Variants in RBFOX1 observed in about 807,000 individuals in gnomAD.
The protein encoded by RBFOX1 is RNA binding fox-1 homolog 1.
In RBFOX1, 8 loss-of-function variants were observed where a neutral mutation model predicts 57.7. That is an observed-to-expected ratio of 0.14 (90% CI 0.08 to 0.25). The LOEUF (loss-of-function observed/expected upper bound fraction) is 0.25, where lower values mean the gene tolerates loss of function less well. RBFOX1 is among the 10% of genes least tolerant of loss of function. The pLI is 1.00. For missense variants in RBFOX1, 611 were observed against 548.5 expected (o/e 1.11, Z -1.14); for synonymous variants, 326 against 222.4 (o/e 1.47, Z -4.15).
intron 1 of RBFOX1, among the ~76,000 whole-genome samples, chr16:5,439,742 C>T (rs139014718): frequency 1.5e-4 from 23 of 152,094 alleles, no homozygotes; most frequent in African/African-American, 5.5e-4. Context: ...ACTGTCCTGG[C>T]CAGGAAAGAG....
intron 4 of RBFOX1, among the ~76,000 whole-genome samples, chr16:7,447,914 G>A (rs1000620793): frequency 7.2e-5 from 11 of 152,202 alleles, no homozygotes; most frequent in African/African-American, 2.7e-4. Flanking sequence ...GGGGCCAACA[G>A]GCATCTGCGT....
intron 2 of RBFOX1, among the ~76,000 whole-genome samples, chr16:6,605,929 G>T (rs147441993): frequency 7.9e-5 from 12 of 151,956 alleles, no homozygotes; most frequent in East Asian, 7.7e-4. Flanking sequence ...GTGAAACCTC[G>T]TCTCTACTAA....
Position 6,483,663 on chromosome 16 carries a change from C to G in RBFOX1, c.-64+166606C>G, listed in dbSNP as rs2095412047. The stretch of plus-strand genomic sequence containing the variant: ...GCAGAGGCTTCCTGAAGCCCACTGA[C>G]TCCGCGGGAGGGGGTTGCAGAGGGA... On this transcript the variant is annotated intron_variant, in intron 2 of 15. Transcript: ENST00000550418. 8.3e-6 allele frequency: 10 copies of G among 1,202,634 alleles called. No individual in the cohort carries two copies. In the South Asian group the frequency reaches 1.3e-4, roughly 16 times the overall value. The allele number at this position is 1,202,634 out of a possible 1,614,324, so 74.5% of individuals were successfully genotyped here. A position where few individuals can be genotyped will look rare whatever the true frequency, so the allele number is the denominator to read the frequency against.
At chr16:7,188,275 T>G (rs1472117012) in intron 4 of RBFOX1, among the ~76,000 whole-genome samples, 2 of 152,228 alleles carry the variant, frequency 1.3e-5, no homozygotes, top group African/African-American at 4.8e-5. Context: ...AAAGTTAACA[T>G]AAGTGCTTTA....
chr16:7,110,432 C>T (rs2064503502), intron 4 of RBFOX1, among the ~76,000 whole-genome samples: 1 of 152,080 alleles, frequency 6.6e-6, no homozygotes, highest in Admixed American at 6.6e-5. Context: ...GCTTGCAAAA[C>T]ACAGCAAATA....
intron 3 of RBFOX1, among the ~76,000 whole-genome samples, chr16:5,763,241 G>A (rs747532872): frequency 6.6e-6 from 1 of 152,182 alleles, no homozygotes; most frequent in African/African-American, 2.4e-5. Flanking sequence ...ATCCACACTC[G>A]GATCAGAAGG....
intron 4 of RBFOX1, among the ~76,000 whole-genome samples, chr16:7,409,732 T>C (rs1424459568): frequency 6.6e-6 from 1 of 152,222 alleles, no homozygotes; most frequent in Non-Finnish European, 1.5e-5. Flanking sequence ...AGTTAGATTT[T>C]CTAGAAAAAT....
intron 4 of RBFOX1, among the ~76,000 whole-genome samples, chr16:7,346,238 T>G (rs961721698): frequency 1.3e-5 from 2 of 151,982 alleles, no homozygotes; most frequent in African/African-American, 4.8e-5. Context: ...TGATGGACAT[T>G]TGGTTTGGTT....
intron 3 of RBFOX1, among the ~76,000 whole-genome samples, chr16:6,729,109 A>T (rs112273115): frequency 1.2e-4 from 18 of 152,252 alleles, no homozygotes; most frequent in African/African-American, 4.3e-4. Context: ...AAATGGAGAT[A>T]CTAAACTAAG....
At chr16:5,497,268 A>G (rs1273921746) in intron 2 of RBFOX1, among the ~76,000 whole-genome samples, 1 of 150,568 alleles carries the variant, frequency 6.6e-6, no homozygotes, top group Admixed American at 6.6e-5. Context: ...TTTTTTTCTC[A>G]GATAACACAA....
chr16:7,412,983 A>G (rs919577304), intron 4 of RBFOX1, among the ~76,000 whole-genome samples: 5 of 152,350 alleles, frequency 3.3e-5, no homozygotes, highest in Admixed American at 6.5e-5. Context: ...CGGAGCTTGC[A>G]GTGAGCCAAG....
chr16:6,084,459 A>C (rs1417243366), intron 1 of RBFOX1, among the ~76,000 whole-genome samples: 1 of 151,968 alleles, frequency 6.6e-6, no homozygotes, highest in Non-Finnish European at 1.5e-5. Context: ...GCCCAGGCTG[A>C]TCTCCAACTC....
chr16:6,140,193 T>G (rs2096704736), intron 1 of RBFOX1, among the ~76,000 whole-genome samples: 2 of 151,822 alleles, frequency 1.3e-5, no homozygotes, highest in African/African-American at 4.8e-5. Context: ...ATGACTTTTT[T>G]TTTTTTTTTT....
At chr16:7,375,913 G>A (rs866209571) in intron 4 of RBFOX1, among the ~76,000 whole-genome samples, 1 of 152,152 alleles carries the variant, frequency 6.6e-6, no homozygotes, top group African/African-American at 2.4e-5. Flanking sequence ...TTGTGCCCAC[G>A]TCCTGCCTTA....
intron 3 of RBFOX1, among the ~76,000 whole-genome samples, chr16:6,712,583 C>A (rs899303020): frequency 6.6e-6 from 1 of 152,156 alleles, no homozygotes; most frequent in Non-Finnish European, 1.5e-5. Context: ...CCAATGTCAT[C>A]CATGGCAAGA....
chr16:6,112,443 C>A (rs1026145694), intron 1 of RBFOX1, among the ~76,000 whole-genome samples: 4 of 152,152 alleles, frequency 2.6e-5, no homozygotes, highest in Non-Finnish European at 5.9e-5. Context: ...GTAATCCCAG[C>A]ACTTTGGGAG....
chr16:5,593,636 T>C (rs999544914), intron 2 of RBFOX1, among the ~76,000 whole-genome samples: 1 of 152,168 alleles, frequency 6.6e-6, no homozygotes, highest in African/African-American at 2.4e-5. Flanking sequence ...ACAAATGCCA[T>C]GGCGATGTCA....
At chr16:6,869,236 A>G (rs775040220) in intron 3 of RBFOX1, among the ~76,000 whole-genome samples, 16 of 152,096 alleles carry the variant, frequency 1.1e-4, no homozygotes, top group Admixed American at 2.0e-4. Flanking sequence ...CTGACCACCT[A>G]TATGTGCAAA....
chr16:5,283,111 A>G (rs1353872836), intron 1 of RBFOX1, among the ~76,000 whole-genome samples: 1 of 152,266 alleles, frequency 6.6e-6, no homozygotes, highest in Non-Finnish European at 1.5e-5. Context: ...GCAAGCCCCA[A>G]GCCTTAGCAG....
Sources: allele counts gnomAD v4.1 joint callset (sites outside exome capture counted in the v4.1 genomes callset), GRCh38; gene constraint gnomAD v4.1.1; transcripts MANE v1.5; gene names NCBI Gene and HGNC (gene_info 2026-07-23, HGNC 2026-07-21).